DERPC: variants seen among roughly 807,000 people sequenced by gnomAD.
DERPC encodes the protein decreased expression in renal and prostate cancer protein.
A neutral mutation model predicts 7.2 loss-of-function variants in DERPC; 1 was observed. The observed-to-expected ratio is 0.14, with a 90% CI of 0.05 to 0.66. The LOEUF is 0.66. DERPC is among the 30% of genes least tolerant of loss of function. The pLI is 0.84. For synonymous variants in DERPC, 185 were observed against 117.6 expected, an observed-to-expected ratio of 1.57 and a Z score of -3.71; for missense variants, 502 against 299.4, an observed-to-expected ratio of 1.68 and a Z score of -4.99.
Position 69,120,107 on chromosome 16 carries a change from C to T in DERPC, c.322G>A (p.Gly108Ser), listed in dbSNP as rs1176384714. 4.3e-6 allele frequency: 3 copies of T among 699,904 alleles called. No homozygotes were observed. The highest frequency in any genetic ancestry group is 7.8e-6 in the Non-Finnish European group (3 of 384,246). The allele number at this position is 699,904 out of a possible 1,614,324, so 43.4% of individuals were successfully genotyped here. Reference sequence around the variant, plus strand: ...CCAGGCCTTGGGAAAGAAACTGCACCTGTGCCAGTGGGATTCATCCCTCTT... The same window carrying T: ...CCAGGCCTTGGGAAAGAAACTGCACTTGTGCCAGTGGGATTCATCCCTCTT... ...FPRGMNPTGTGAVSFPRPGGL... is the reference protein window; with the variant it reads ...FPRGMNPTGTSAVSFPRPGGL... The change falls in exon 3 of 3, where the codon GGT becomes AGT. Residue 108 changes from glycine to serine, a missense_variant. Gly to Ser is a moderately conservative substitution (Grantham distance 56, BLOSUM62 0). Coordinates refer to ENST00000519520, the MANE Select transcript of DERPC (RefSeq NM_001002847.4). The surrounding 1 kb of genome is among the most constrained non-coding windows in gnomAD (Gnocchi z 4.0).
At chr16:69,121,834 A>AT (rs1204306667) in intron 1 of DERPC, among the ~76,000 whole-genome samples, 3 of 151,686 alleles carry the variant, frequency 2.0e-5, no homozygotes, top group African/African-American at 7.3e-5. Flanking sequence ...CGGCCGGCTA[A>AT]TTTTTTTTGT....
chr16:69,132,303 C>G (rs1202852470), intron 1 of DERPC, among the ~76,000 whole-genome samples, 181 bp downstream of exon 1: 2 of 146,950 alleles, frequency 1.4e-5, no homozygotes, highest in African/African-American at 5.0e-5. Context: ...CGCCCTCCCC[C>G]TTCCCGGCCA....
Position 69,119,072 on chromosome 16 carries a change from G to C in DERPC, c.1357C>G (p.Pro453Ala). 1 of 703,066 alleles carries C rather than the reference G, an allele frequency of 1.4e-6. No homozygotes were observed. Among genetic ancestry groups the C allele is most frequent in the South Asian group, 1.5e-5 (1 of 67,574 alleles). 43.6% of individuals were successfully genotyped at this position (703,066 alleles called of 1,614,324 possible). The change falls in exon 3 of 3, where the codon CCA becomes GCA. Residue 453 changes from proline (P) to alanine (A), a missense_variant. By Grantham distance (27) the Pro-to-Ala change is conservative. Transcript: ENST00000519520. ...RPAAGHLGPSPAGPVGINPAP... is the reference protein window; with the variant it reads ...RPAAGHLGPSAAGPVGINPAP... ...GGGTTGATACCCACAGGGCCAGCTG[G>C]AGAAGGGCCCAGATGCCCGGCAGCT...
In DERPC at chr16:69,119,750, C is replaced by A. The variant is rs546492067; in HGVS notation, c.679G>T (p.Gly227Cys). ...CCAAGGCCTGGGCCTGGAAACACACCTGACCTGGGGGCAGGGTTTGTCCCT... is the reference window on the plus strand; with the variant it reads ...CCAAGGCCTGGGCCTGGAAACACACATGACCTGGGGGCAGGGTTTGTCCCT... ...FLGTNPAPRS[G>C]VFPGPGLGPN... The change falls in exon 3 of 3, where the codon GGT becomes TGT. Residue 227 changes from glycine (G) to cysteine (C), a missense_variant. Physicochemically the swap from Gly to Cys is radical, Grantham distance 159 (BLOSUM62 -3). Coordinates refer to ENST00000519520, the MANE Select transcript of DERPC (RefSeq NM_001002847.4). 1 of 695,254 alleles carries A rather than the reference C, an allele frequency of 1.4e-6. No individual in the cohort carries two copies. Among genetic ancestry groups the A allele is most frequent in the East Asian group, 2.7e-5 (1 of 37,006 alleles). The allele number at this position is 695,254 out of a possible 1,614,324, so 43.1% of individuals were successfully genotyped here. A position where few individuals can be genotyped will look rare whatever the true frequency, so the allele number is the denominator to read the frequency against.
chr16:69,121,582 A>G (rs1961667041), intron 1 of DERPC, 89 bp from the exon 2 acceptor site: 4 of 732,650 alleles, frequency 5.5e-6, no homozygotes, highest in East Asian at 2.8e-5. Flanking sequence ...GGTTCAATCG[A>G]TTCTCCTGCC....
chr16:69,120,531 C>T lies in DERPC; in HGVS notation c.-103G>A. 2 of 1,614,102 alleles carry T rather than the reference C, an allele frequency of 1.2e-6. No individual in the cohort carries two copies. Among genetic ancestry groups the T allele is most frequent in the Non-Finnish European group, 1.7e-6 (2 of 1,180,012 alleles). On this transcript the variant is annotated 5_prime_UTR_variant, in exon 3 of 3. Coordinates refer to ENST00000519520, the MANE Select transcript of DERPC (RefSeq NM_001002847.4). The surrounding 1 kb of genome is among the most constrained non-coding windows in gnomAD (Gnocchi z 4.0). Reference sequence around the variant, plus strand: ...CAGGTACCGGGTGCCAGTCTCGCGGCCAAGCTCATCACAGTCCTGATCCCC... The same window carrying T: ...CAGGTACCGGGTGCCAGTCTCGCGGTCAAGCTCATCACAGTCCTGATCCCC...
At position 69,119,466 on chromosome 16, in the gene DERPC, A is replaced by C; in HGVS notation, c.963T>G (p.Ser321=). The C allele has an allele frequency of 2.8e-6, 2 of 702,896 alleles. No individual in the cohort carries two copies. Among genetic ancestry groups the C allele is most frequent in the Non-Finnish European group, 5.2e-6 (2 of 384,988 alleles). 43.5% of individuals were successfully genotyped at this position (702,896 alleles called of 1,614,324 possible). Residue 321 remains serine, a synonymous_variant, in exon 3 of 3, where the codon TCT becomes TCG. Transcript: ENST00000519520. ...TTGGCCCTGGAAGGCCAATTCCCCG[A>C]GAGCTAGGACCCGAGTTTGGGCCCA... ...GPMGPNSGPS[S]RGIGLPGPNP...
chr16:69,124,910 T>C (rs185772714), intron 1 of DERPC, among the ~76,000 whole-genome samples: 22 of 152,048 alleles, frequency 1.4e-4, no homozygotes, highest in Non-Finnish European at 2.6e-4. Flanking sequence ...GTCAACTCAC[T>C]AGACTTTTTT....
chr16:69,124,861 T>C (rs1433751743), intron 1 of DERPC, among the ~76,000 whole-genome samples: 2 of 152,156 alleles, frequency 1.3e-5, no homozygotes, highest in Non-Finnish European at 2.9e-5. Flanking sequence ...AGTATGACTC[T>C]ACTCCTAGAG....
intron 1 of DERPC, among the ~76,000 whole-genome samples, chr16:69,124,499 C>G (rs1961919068): frequency 6.6e-6 from 1 of 151,994 alleles, no homozygotes; most frequent in South Asian, 2.1e-4. Context: ...TCTCGGCTCA[C>G]CACAACCTTC....
chr16:69,124,371 G>A (rs533902916), intron 1 of DERPC, among the ~76,000 whole-genome samples: 7 of 152,184 alleles, frequency 4.6e-5, no homozygotes, highest in Admixed American at 2.6e-4. Flanking sequence ...AAGTTAATAG[G>A]TATTATAATT....
chr16:69,121,044 C>A, intron 2 of DERPC: 1 of 1,610,180 alleles, frequency 6.2e-7, no homozygotes, highest in South Asian at 1.1e-5. Context: ...GAAAGAAAAG[C>A]CCCCTCACCT....
intron 1 of DERPC, among the ~76,000 whole-genome samples, chr16:69,130,204 A>T (rs72789240): frequency 0.049 from 7,420 of 152,316 alleles, 201 homozygotes; most frequent in South Asian, 0.073. Flanking sequence ...TATGTATCCA[A>T]TTAAACCGAA....
chr16:69,128,230 A>G (rs891270936), intron 1 of DERPC, among the ~76,000 whole-genome samples: 1 of 152,212 alleles, frequency 6.6e-6, no homozygotes, highest in African/African-American at 2.4e-5. Context: ...TCTTAAGAGC[A>G]GAGTTCAACC....
chr16:69,118,634 T>C lies in DERPC; in HGVS notation c.*220A>G, dbSNP rs1417536263. On this transcript the variant is annotated 3_prime_UTR_variant, in exon 3 of 3. Transcript: ENST00000519520. The stretch of plus-strand genomic sequence containing the variant: ...TCTGGGAGGCTGGAGATCCTTTCTC[T>C]CAAGGGCAGGATTATTCCCACCTGC... 2 of 702,068 alleles carry C rather than the reference T, an allele frequency of 2.8e-6. No homozygotes were observed. 43.5% of individuals were successfully genotyped at this position (702,068 alleles called of 1,614,324 possible).
At chr16:69,123,528 G>T (rs1961832291) in intron 1 of DERPC, among the ~76,000 whole-genome samples, 1 of 151,344 alleles carries the variant, frequency 6.6e-6, no homozygotes, top group South Asian at 2.1e-4. Flanking sequence ...GTGGTGGCAG[G>T]CACCCATAAT....
intron 1 of DERPC, among the ~76,000 whole-genome samples, chr16:69,129,818 C>A (rs1962366281): frequency 6.6e-6 from 1 of 152,200 alleles, no homozygotes; most frequent in African/African-American, 2.4e-5. Context: ...GCAAAGTAAC[C>A]TATGGAAAGA....
intron 1 of DERPC, among the ~76,000 whole-genome samples, 199 bp from the exon 2 acceptor site, chr16:69,121,692 G>C (rs1200201542): frequency 6.7e-6 from 1 of 149,200 alleles, no homozygotes; most frequent in African/African-American, 2.5e-5. Flanking sequence ...TTTTGAGACG[G>C]AGTCTCACTC....
chr16:69,120,723 C>T lies in DERPC; in HGVS notation c.-221-74G>A. On this transcript the variant is annotated intron_variant, in intron 2 of 2. Transcript: ENST00000519520. This position sits in a 1 kb window ranked among gnomAD's most constrained non-coding sequence, Gnocchi z 4.0. The stretch of plus-strand genomic sequence containing the variant: ...AACACTCAGGCGCCTCCTAAAGCTG[C>T]TCTTGGCAGGCTATGCTGGCACCTC... 2 of 1,331,020 alleles carry T rather than the reference C, an allele frequency of 1.5e-6. No homozygotes were observed. Among genetic ancestry groups the T allele is most frequent in the East Asian group, 4.6e-5 (2 of 43,336 alleles). The allele number at this position is 1,331,020 out of a possible 1,614,324, so 82.5% of individuals were successfully genotyped here.
Sources: gnomAD v4.1 joint callset for allele counts (sites outside exome capture counted in the v4.1 genomes callset) on GRCh38, gnomAD v4.1.1 for gene constraint, Gnocchi (gnomAD v3.1) non-coding constraint, MANE v1.5 for transcripts, NCBI Gene and HGNC (gene_info 2026-07-23, HGNC 2026-07-21) for gene names.